ST6GALNAC3: variants seen among roughly 807,000 people sequenced by gnomAD.
ST6GALNAC3 encodes ST6 N-acetylgalactosaminide alpha-2,6-sialyltransferase 3, also known as alpha-N-acetylgalactosaminide alpha-2,6-sialyltransferase 3.
A neutral mutation model predicts 32.7 loss-of-function variants in ST6GALNAC3; 25 were observed. The observed-to-expected ratio is 0.76, with a 90% CI of 0.56 to 1.07. The LOEUF (loss-of-function observed/expected upper bound fraction) is 1.07. ST6GALNAC3 is among the 50% of genes least tolerant of loss of function. The probability of loss-of-function intolerance (pLI) is 0.00; values close to 1 mark genes in which losing one functional copy is unlikely to be tolerated. For missense variants in ST6GALNAC3, 355 were observed against 382.4 expected, an observed-to-expected ratio of 0.93 and a Z score of 0.60; for synonymous variants, 129 against 133.1, an observed-to-expected ratio of 0.97 and a Z score of 0.21.
At chr1:76,306,000 A>C in intron 1 of ST6GALNAC3, 1 of 489,548 alleles carries the variant, frequency 2.0e-6, no homozygotes, top group Non-Finnish European at 4.1e-6. Context: ...TGGTTCAGAA[A>C]TTTTAAAAAC....
At chr1:76,135,838 G>A (rs936653848) in intron 1 of ST6GALNAC3, among the ~76,000 whole-genome samples, 1 of 152,188 alleles carries the variant, frequency 6.6e-6, no homozygotes, top group South Asian at 2.1e-4. Flanking sequence ...ACTCTTAGGT[G>A]TACATTATTG....
At chr1:76,362,673 A>G (rs1240760483) in intron 2 of ST6GALNAC3, among the ~76,000 whole-genome samples, 1 of 152,254 alleles carries the variant, frequency 6.6e-6, no homozygotes, top group Non-Finnish European at 1.5e-5. Flanking sequence ...TACAGGCCCC[A>G]GGCAAGTCCT....
intron 3 of ST6GALNAC3, among the ~76,000 whole-genome samples, chr1:76,542,448 C>CATGCTCCA (rs1371649879): frequency 2.6e-5 from 4 of 152,132 alleles, no homozygotes; most frequent in African/African-American, 9.7e-5. Flanking sequence ...ATTAATAATT[C>CATGCTCCA]ATGCTCTAAT....
At chr1:76,516,038 T>C (rs560598036) in intron 3 of ST6GALNAC3, among the ~76,000 whole-genome samples, 2 of 152,322 alleles carry the variant, frequency 1.3e-5, no homozygotes, top group East Asian at 3.9e-4. Flanking sequence ...TTGCTGTCTA[T>C]CTCTCCCTTT....
intron 1 of ST6GALNAC3, among the ~76,000 whole-genome samples, chr1:76,083,486 T>C (rs972482544): frequency 6.6e-6 from 1 of 152,226 alleles, no homozygotes; most frequent in Admixed American, 6.5e-5. Flanking sequence ...GTAAGAAGAC[T>C]GTGGGGTGCA....
chr1:76,445,906 GATATAC>G (rs1364472816), intron 3 of ST6GALNAC3, among the ~76,000 whole-genome samples: 1 of 152,128 alleles, frequency 6.6e-6, no homozygotes, highest in Non-Finnish European at 1.5e-5. Flanking sequence ...GGTTCTAAAT[GATATAC>G]ATATACTTCT....
intron 1 of ST6GALNAC3, among the ~76,000 whole-genome samples, chr1:76,218,850 T>C (rs1655616443): frequency 1.3e-5 from 2 of 152,222 alleles, no homozygotes; most frequent in South Asian, 4.1e-4. Context: ...GCACTTTTAT[T>C]GCCATCATTT....
intron 3 of ST6GALNAC3, among the ~76,000 whole-genome samples, chr1:76,620,010 C>T (rs1210257538): frequency 6.6e-6 from 1 of 152,096 alleles, no homozygotes. Flanking sequence ...AGGGGAATTA[C>T]CTCCTGAATA....
At chr1:76,250,773 A>G (rs1399440699) in intron 1 of ST6GALNAC3, among the ~76,000 whole-genome samples, 1 of 152,052 alleles carries the variant, frequency 6.6e-6, no homozygotes, top group Non-Finnish European at 1.5e-5. Context: ...TGAAGCATCT[A>G]TGCATGAGAA....
At chr1:76,195,057 C>T (rs971491993) in intron 1 of ST6GALNAC3, among the ~76,000 whole-genome samples, 2 of 152,134 alleles carry the variant, frequency 1.3e-5, no homozygotes, top group African/African-American at 4.8e-5. Context: ...TCAAATATCT[C>T]ATCAGAAAAG....
rs541121175 is a variant in ST6GALNAC3, at chr1:76,441,104, A to T, written c.623+28687A>T. On this transcript the variant is annotated intron_variant, in intron 3 of 4. Transcript: ENST00000328299. ...CTATGTCTCCAAAAAAAAAAAAAAA[A>T]AAAATAAGAGAAAGCAACATAGATG... Among the ~76,000 whole-genome samples, 325 of 151,674 alleles carry T rather than the reference A, an allele frequency of 2.1e-3. 2 individuals are homozygous for T. Among genetic ancestry groups the T allele is most frequent in the African/African-American group, 7.6e-3 (314 of 41,364 alleles).
At chr1:76,418,369 G>C (rs778304180) in intron 3 of ST6GALNAC3, among the ~76,000 whole-genome samples, 4 of 152,092 alleles carry the variant, frequency 2.6e-5, no homozygotes, top group Admixed American at 6.6e-5. Flanking sequence ...AACACACACA[G>C]TGTAGCTTGA....
intron 2 of ST6GALNAC3, among the ~76,000 whole-genome samples, chr1:76,316,251 C>T (rs1646863615): frequency 1.3e-5 from 2 of 152,226 alleles, no homozygotes; most frequent in African/African-American, 4.8e-5. Context: ...TGAAGATTTA[C>T]ATGCTGTATG....
chr1:76,586,898 A>G (rs1008741093), intron 3 of ST6GALNAC3, among the ~76,000 whole-genome samples: 1 of 152,148 alleles, frequency 6.6e-6, no homozygotes, highest in Non-Finnish European at 1.5e-5. Flanking sequence ...TGCCTTTCCT[A>G]TTTCTGTACA....
chr1:76,444,761 C>A (rs952819085), intron 3 of ST6GALNAC3, among the ~76,000 whole-genome samples: 2 of 152,022 alleles, frequency 1.3e-5, no homozygotes, highest in Non-Finnish European at 2.9e-5. Context: ...ATTAAGGAAC[C>A]CTCTCTGCTC....
intron 3 of ST6GALNAC3, among the ~76,000 whole-genome samples, chr1:76,488,041 A>G (rs1660242548): frequency 6.6e-6 from 1 of 152,110 alleles, no homozygotes; most frequent in Non-Finnish European, 1.5e-5. Context: ...CAGAACAGAG[A>G]AGAATAAAAC....
At chr1:76,491,203 A>G (rs1048541686) in intron 3 of ST6GALNAC3, among the ~76,000 whole-genome samples, 5 of 152,008 alleles carry the variant, frequency 3.3e-5, no homozygotes, top group Non-Finnish European at 1.5e-5. Flanking sequence ...GCTAGCTGCT[A>G]TTTATAGACC....
chr1:76,150,064 GAC>G (rs773740115), intron 1 of ST6GALNAC3, among the ~76,000 whole-genome samples: 19 of 152,334 alleles, frequency 1.2e-4, no homozygotes, highest in Non-Finnish European at 2.1e-4. Context: ...GACTCAGGCA[GAC>G]ACTGCACATT....
At chr1:76,522,949 G>A (rs926052464) in intron 3 of ST6GALNAC3, among the ~76,000 whole-genome samples, 1 of 152,134 alleles carries the variant, frequency 6.6e-6, no homozygotes, top group African/African-American at 2.4e-5. Flanking sequence ...CCAACTGTAT[G>A]ACAAAGGCTT....
Sources: allele counts gnomAD v4.1 joint callset (sites outside exome capture counted in the v4.1 genomes callset), GRCh38; gene constraint gnomAD v4.1.1; transcripts MANE v1.5; gene names NCBI Gene and HGNC (gene_info 2026-07-23, HGNC 2026-07-21).